The following MAF variants were observed in gnomAD, a reference collection of about 807,000 sequenced individuals.
The protein encoded by MAF is transcription factor Maf.
Under a neutral mutation model 22.0 loss-of-function variants are expected in MAF, and 10 were observed. The ratio of observed to expected loss-of-function variants is 0.45; its 90% confidence interval spans 0.28 to 0.77. The LOEUF is 0.77. MAF is among the 30% of genes least tolerant of loss of function. MAF has a pLI of 0.12. For missense variants in MAF, 544 were observed against 548.4 expected (o/e 0.99, Z 0.08); for synonymous variants, 337 against 255.8 (o/e 1.32, Z -3.03).
the MAF span, among the ~76,000 whole-genome samples, chr16:79,579,047 G>A: frequency 2.6e-5 from 4 of 152,126 alleles, no homozygotes; most frequent in East Asian, 7.7e-4. Flanking sequence ...CAACTGACAA[G>A]CACTTCACAT....
chr16:79,285,155 G>A, the MAF span, among the ~76,000 whole-genome samples: 1 of 152,022 alleles, frequency 6.6e-6, no homozygotes, highest in Non-Finnish European at 1.5e-5. Flanking sequence ...GGGATGCCTG[G>A]CTTCATAGGC....
the MAF span, among the ~76,000 whole-genome samples, chr16:79,218,427 C>T: frequency 0.69 from 104,162 of 152,048 alleles, 36,588 homozygotes; most frequent in Non-Finnish European, 0.73. Context: ...TTCCTTCTAT[C>T]AATTGATCTC....
the MAF span, among the ~76,000 whole-genome samples, chr16:79,347,144 A>C: frequency 6.6e-6 from 1 of 152,186 alleles, no homozygotes. Context: ...AGGCTATTTC[A>C]TTTGCTAAAA....
chr16:79,520,434 A>T, the MAF span, among the ~76,000 whole-genome samples: 1 of 151,552 alleles, frequency 6.6e-6, no homozygotes, highest in Non-Finnish European at 1.5e-5. Context: ...CGTGGTCCTA[A>T]CCTCATTCCC....
chr16:79,349,564 G>T, the MAF span, among the ~76,000 whole-genome samples: 1 of 152,174 alleles, frequency 6.6e-6, no homozygotes, highest in Non-Finnish European at 1.5e-5. Context: ...ACTGACCTGG[G>T]TCTGCTCAGG....
At chr16:79,221,730 CGTGTGTACGTATACGTGATTGTGTGTGT>C in the MAF span, among the ~76,000 whole-genome samples, 27 of 151,384 alleles carry the variant, frequency 1.8e-4, no homozygotes, top group African/African-American at 6.5e-4. Context: ...TGTGTGTGCA[CGTGTGTACGTATACGTGATTGTGTGTGT>C]ATGTGTGTGT....
chr16:79,542,554 A>T, the MAF span, among the ~76,000 whole-genome samples: 1 of 152,282 alleles, frequency 6.6e-6, no homozygotes, highest in East Asian at 1.9e-4. Flanking sequence ...GCAGGGAAAG[A>T]AAGAGGGAAC....
At chr16:79,311,510 A>AG in the MAF span, among the ~76,000 whole-genome samples, 49 of 151,980 alleles carry the variant, frequency 3.2e-4, no homozygotes, top group Admixed American at 8.5e-4. Context: ...AAAAAAAAAA[A>AG]AAAAACATTA....
At chr16:79,407,929 A>G in the MAF span, among the ~76,000 whole-genome samples, 5 of 151,996 alleles carry the variant, frequency 3.3e-5, no homozygotes, top group African/African-American at 1.2e-4. Context: ...GGGGCGGGTT[A>G]TTTCAGGGCC....
the MAF span, among the ~76,000 whole-genome samples, chr16:79,564,101 G>A: frequency 1.3e-5 from 2 of 152,216 alleles, no homozygotes; most frequent in South Asian, 4.1e-4. Context: ...CCTCCCCCAT[G>A]GCCACTGCCG....
the MAF span, among the ~76,000 whole-genome samples, chr16:79,228,712 A>G: frequency 2.0e-5 from 3 of 151,874 alleles, no homozygotes; most frequent in Non-Finnish European, 4.4e-5. Flanking sequence ...GAAAATTCAG[A>G]TGTTTCTCCT....
chr16:79,395,437 C>G, the MAF span, among the ~76,000 whole-genome samples: 4 of 152,074 alleles, frequency 2.6e-5, no homozygotes, highest in Non-Finnish European at 4.4e-5. Flanking sequence ...GAAATAGGCT[C>G]TTTGGAGTTG....
At chr16:79,282,555 C>G in the MAF span, among the ~76,000 whole-genome samples, 1 of 152,170 alleles carries the variant, frequency 6.6e-6, no homozygotes, top group Non-Finnish European at 1.5e-5. Flanking sequence ...ATACTTATAA[C>G]TGGCCCCACA....
the MAF span, among the ~76,000 whole-genome samples, chr16:79,326,238 G>A: frequency 8.5e-3 from 1,299 of 152,208 alleles, 19 homozygotes; most frequent in African/African-American, 0.03. Context: ...AATAATAACA[G>A]TATCAACCTC....
chr16:79,253,741 C>T, the MAF span, among the ~76,000 whole-genome samples: 1 of 152,158 alleles, frequency 6.6e-6, no homozygotes, highest in East Asian at 1.9e-4. Context: ...ACATTTCGAG[C>T]CTGATCGTCT....
chr16:79,388,474 G>A, the MAF span, among the ~76,000 whole-genome samples: 56 of 152,204 alleles, frequency 3.7e-4, 1 homozygote, highest in African/African-American at 1.3e-3. Context: ...TTCAATATGC[G>A]GAGGTCATTC....
chr16:79,304,756 A>G, the MAF span, among the ~76,000 whole-genome samples: 1 of 152,242 alleles, frequency 6.6e-6, no homozygotes, highest in Non-Finnish European at 1.5e-5. Flanking sequence ...GCTAGGGACC[A>G]AAAGGGACTA....
the MAF span, among the ~76,000 whole-genome samples, chr16:79,476,246 C>T: frequency 1.3e-5 from 2 of 152,142 alleles, no homozygotes; most frequent in African/African-American, 4.8e-5. Context: ...CCTTGTGAGT[C>T]CCTGGCCAGG....
At chr16:79,277,146 T>A in the MAF span, among the ~76,000 whole-genome samples, 55 of 152,304 alleles carry the variant, frequency 3.6e-4, no homozygotes, top group Middle Eastern at 3.4e-3. Flanking sequence ...CAAGCGATCC[T>A]CCTGCCTCAG....
Sources: gnomAD v4.1 joint callset for allele counts (sites outside exome capture counted in the v4.1 genomes callset) on GRCh38, gnomAD v4.1.1 for gene constraint, MANE v1.5 for transcripts, NCBI Gene and HGNC (gene_info 2026-07-23, HGNC 2026-07-21) for gene names.